TMEM38B: variants seen among roughly 807,000 people sequenced by gnomAD.
TMEM38B encodes the protein transmembrane protein 38B.
A neutral mutation model predicts 28.7 loss-of-function variants in TMEM38B; 24 were observed. That is an observed-to-expected ratio of 0.84 (90% confidence interval 0.61 to 1.18). The LOEUF is 1.18. Among genes scored for constraint, TMEM38B ranks in the 50% most tolerant of loss-of-function variants. TMEM38B has a pLI of 0.00. For synonymous variants in TMEM38B, 131 were observed against 127.7 expected (o/e 1.03, Z -0.17); for missense variants, 380 against 350.9 (o/e 1.08, Z -0.66).
At chr9:105,718,736 C>T (rs986383761) in intron 2 of TMEM38B, among the ~76,000 whole-genome samples, 3 of 151,880 alleles carry the variant, frequency 2.0e-5, no homozygotes, top group African/African-American at 4.8e-5. Context: ...AAGCTGTTCC[C>T]GGGGGAAATA....
intron 4 of TMEM38B, among the ~76,000 whole-genome samples, chr9:105,744,176 A>G (rs1344010997): frequency 1.3e-5 from 2 of 152,084 alleles, no homozygotes; most frequent in Non-Finnish European, 2.9e-5. Context: ...TATAATTTAT[A>G]TATAAAATCA....
At chr9:105,704,834 G>A (rs1327335188) in intron 1 of TMEM38B, among the ~76,000 whole-genome samples, 1 of 152,010 alleles carries the variant, frequency 6.6e-6, no homozygotes, top group Non-Finnish European at 1.5e-5. Context: ...TGAGGCAGGA[G>A]AATTGCTTGA....
At chr9:105,731,762 A>C (rs1588429363) in intron 4 of TMEM38B, among the ~76,000 whole-genome samples, 1 of 152,190 alleles carries the variant, frequency 6.6e-6, no homozygotes, top group African/African-American at 2.4e-5. Flanking sequence ...TGCAGCAATA[A>C]ACATACGTGT....
chr9:105,771,437 A>C (rs1222572832), intron 5 of TMEM38B, among the ~76,000 whole-genome samples: 2 of 152,172 alleles, frequency 1.3e-5, no homozygotes, highest in Non-Finnish European at 2.9e-5. Flanking sequence ...CTATTAAAAC[A>C]CTTGAGTTTG....
At chr9:105,747,882 C>T (rs1170165252) in intron 4 of TMEM38B, among the ~76,000 whole-genome samples, 191 bp from the exon 5 acceptor site, 1 of 152,054 alleles carries the variant, frequency 6.6e-6, no homozygotes, top group Non-Finnish European at 1.5e-5. Context: ...TGTATTTGAG[C>T]AGTTTTGAGT....
intron 5 of TMEM38B, among the ~76,000 whole-genome samples, chr9:105,765,420 A>T (rs968286206): frequency 1.3e-5 from 2 of 152,222 alleles, no homozygotes; most frequent in South Asian, 2.1e-4. Flanking sequence ...ACAAATTTGT[A>T]TACCTGTGTA....
At chr9:105,754,275 A>G (rs1837757391) in intron 5 of TMEM38B, among the ~76,000 whole-genome samples, 1 of 152,186 alleles carries the variant, frequency 6.6e-6, no homozygotes, top group Non-Finnish European at 1.5e-5. Flanking sequence ...TCAGCTCTGG[A>G]TCAAGCAGAG....
intron 4 of TMEM38B, among the ~76,000 whole-genome samples, chr9:105,732,236 A>C (rs1225983199): frequency 3.3e-5 from 5 of 152,004 alleles, no homozygotes; most frequent in South Asian, 2.1e-4. Flanking sequence ...AGATTGCAAA[A>C]ATTTTCTCCC....
intron 1 of TMEM38B, 134 bp from the exon 2 acceptor site, chr9:105,705,463 C>A: frequency 1.2e-6 from 1 of 844,542 alleles, no homozygotes; most frequent in Non-Finnish European, 1.7e-6. Context: ...ATGATTTTGA[C>A]TGGCACACCT....
At chr9:105,747,836 C>T (rs1306118725) in intron 4 of TMEM38B, among the ~76,000 whole-genome samples, 2 of 152,008 alleles carry the variant, frequency 1.3e-5, no homozygotes, top group Non-Finnish European at 2.9e-5. Context: ...TGTTATGCAC[C>T]CAGTAGTCAT....
intron 5 of TMEM38B, among the ~76,000 whole-genome samples, chr9:105,754,014 C>A (rs1837747257): frequency 6.6e-6 from 1 of 152,066 alleles, no homozygotes; most frequent in Non-Finnish European, 1.5e-5. Context: ...GGGTTGCAAT[C>A]CTAGTTTCAG....
chr9:105,694,569 C>T lies in TMEM38B; in HGVS notation c.-92C>T. 1.0e-5 allele frequency: 9 copies of T among 894,726 alleles called. No homozygotes were observed. The highest frequency in any genetic ancestry group is 1.5e-5 in the Non-Finnish European group (9 of 598,690). 55.4% of individuals were successfully genotyped at this position (894,726 alleles called of 1,614,324 possible). ...GCTGGAGCCGGCGCGGAGGAGCGGG[C>T]GGCCGCGGCTGTGCCCTCTCCTACT... On this transcript the variant is annotated 5_prime_UTR_variant, in exon 1 of 6. Coordinates refer to ENST00000374692, the MANE Select transcript of TMEM38B (RefSeq NM_018112.3).
At chr9:105,770,539 T>C (rs1406885542) in intron 5 of TMEM38B, among the ~76,000 whole-genome samples, 1 of 151,096 alleles carries the variant, frequency 6.6e-6, no homozygotes, top group Non-Finnish European at 1.5e-5. Flanking sequence ...TTCACCTAGG[T>C]TTTTTTTTAC....
At chr9:105,718,810 G>A (rs756536808) in intron 2 of TMEM38B, among the ~76,000 whole-genome samples, 1 of 151,892 alleles carries the variant, frequency 6.6e-6, no homozygotes, top group Non-Finnish European at 1.5e-5. Context: ...AAAATTCCAA[G>A]TATCAATTAC....
intron 1 of TMEM38B, among the ~76,000 whole-genome samples, chr9:105,700,197 A>G (rs777613848): frequency 7.2e-5 from 11 of 152,182 alleles, no homozygotes; most frequent in Non-Finnish European, 1.3e-4. Flanking sequence ...TGTATTGGGC[A>G]TTATATTAGA....
intron 1 of TMEM38B, among the ~76,000 whole-genome samples, chr9:105,696,057 G>A (rs1835278217): frequency 1.3e-5 from 2 of 152,140 alleles, no homozygotes; most frequent in African/African-American, 2.4e-5. Flanking sequence ...AATTACTTTC[G>A]TAATAATATG....
At chr9:105,701,147 C>G (rs1271105645) in intron 1 of TMEM38B, 1 of 152,094 alleles carries the variant, frequency 6.6e-6, no homozygotes, top group Non-Finnish European at 1.5e-5. Flanking sequence ...TTTCAATAAC[C>G]TAGTTAACAA....
chr9:105,736,443 G>T (rs1194807572), intron 4 of TMEM38B, among the ~76,000 whole-genome samples: 1 of 151,320 alleles, frequency 6.6e-6, no homozygotes, highest in African/African-American at 2.4e-5. Flanking sequence ...CAAGATTTTT[G>T]ATTGGTTCTT....
At chr9:105,716,838 A>G (rs1294756502) in intron 2 of TMEM38B, among the ~76,000 whole-genome samples, 1 of 152,188 alleles carries the variant, frequency 6.6e-6, no homozygotes, top group Non-Finnish European at 1.5e-5. Flanking sequence ...AATTATAAGA[A>G]TACATCAGGG....
Sources: gnomAD v4.1 joint callset for allele counts (sites outside exome capture counted in the v4.1 genomes callset) on GRCh38, gnomAD v4.1.1 for gene constraint, MANE v1.5 for transcripts, NCBI Gene and HGNC (gene_info 2026-07-23, HGNC 2026-07-21) for gene names.